The following RBFOX3 variants were observed in gnomAD, a reference collection of about 807,000 sequenced individuals.
RBFOX3 encodes RNA binding fox-1 homolog 3, also known as RNA binding protein fox-1 homolog 3.
A neutral mutation model predicts 48.7 loss-of-function variants in RBFOX3; 17 were observed. The ratio of observed to expected loss-of-function variants is 0.35; its 90% CI spans 0.24 to 0.52. The LOEUF is 0.52. RBFOX3 is among the 20% of genes least tolerant of loss of function. The pLI, the probability that RBFOX3 is intolerant of heterozygous loss-of-function variation, is 0.94. For synonymous variants in RBFOX3, 212 were observed against 209.5 expected, an observed-to-expected ratio of 1.01 and a Z score of -0.10; for missense variants, 382 against 497.5, an observed-to-expected ratio of 0.77 and a Z score of 2.21.
intron 1 of RBFOX3, among the ~76,000 whole-genome samples, chr17:79,516,955 G>A (rs2085328350): frequency 6.6e-6 from 1 of 152,110 alleles, no homozygotes. Context: ...GGTAGAATGG[G>A]GGTTGCTGGG....
At chr17:79,569,794 G>T (rs2092598922) in intron 1 of RBFOX3, among the ~76,000 whole-genome samples, 2 of 152,240 alleles carry the variant, frequency 1.3e-5, no homozygotes, top group South Asian at 4.1e-4. Flanking sequence ...ATAACAGATG[G>T]ATGGTGTATG....
intron 3 of RBFOX3, among the ~76,000 whole-genome samples, chr17:79,269,435 G>A (rs1351490171): frequency 6.6e-6 from 1 of 152,102 alleles, no homozygotes; most frequent in Non-Finnish European, 1.5e-5. Context: ...AGGACTCCTC[G>A]CAGGCAGCAG....
At chr17:79,230,987 G>A (rs928198636) in intron 4 of RBFOX3, among the ~76,000 whole-genome samples, 11 of 152,020 alleles carry the variant, frequency 7.2e-5, no homozygotes, top group African/African-American at 2.4e-4. Flanking sequence ...GACACTGGAC[G>A]AGATACAGTG....
chr17:79,154,940 A>G (rs769898145), intron 4 of RBFOX3, among the ~76,000 whole-genome samples: 2 of 151,438 alleles, frequency 1.3e-5, no homozygotes, highest in Non-Finnish European at 2.9e-5. Flanking sequence ...TGCGCCTCCC[A>G]GGACACCTCA....
At chr17:79,458,657 T>C (rs2074945862) in intron 2 of RBFOX3, among the ~76,000 whole-genome samples, 1 of 151,370 alleles carries the variant, frequency 6.6e-6, no homozygotes, top group Admixed American at 6.6e-5. Flanking sequence ...TCTTCTGCAG[T>C]GCTAGGGCAG....
chr17:79,362,681 TTACTGGCACCTCA>T lies in RBFOX3; in HGVS notation c.-174-54870_-174-54858del, dbSNP rs142594173. On this transcript the variant is annotated intron_variant, in intron 2 of 14. Coordinates refer to ENST00000693108, the MANE Select transcript of RBFOX3 (RefSeq NM_001350451.2). The surrounding 1 kb of genome is among the most constrained non-coding windows in gnomAD (Gnocchi z 4.2). ...CAATTGCTTCCTGTGACGGAGCCAG[TTACTGGCACCTCA>T]TCTCCACTGGCTCTGAGCTGCACAG... 0.13 allele frequency among the ~76,000 whole-genome samples: 19,453 copies of T among 152,202 alleles called. 1,746 individuals carry two copies. The highest frequency in any genetic ancestry group is 0.2 in the Non-Finnish European group (13,306 of 67,972).
chr17:79,208,031 T>C (rs2057763039), intron 4 of RBFOX3, among the ~76,000 whole-genome samples: 1 of 152,110 alleles, frequency 6.6e-6, no homozygotes, highest in African/African-American at 2.4e-5. Flanking sequence ...TCTGGCCAGC[T>C]CTTGGTGTCT....
chr17:79,162,600 A>G (rs914252403), intron 4 of RBFOX3, among the ~76,000 whole-genome samples: 1 of 152,256 alleles, frequency 6.6e-6, no homozygotes, highest in Non-Finnish European at 1.5e-5. Context: ...CGGGGCTATA[A>G]TAAAATGGAA....
chr17:79,504,604 C>G (rs1357402335), intron 1 of RBFOX3, among the ~76,000 whole-genome samples: 1 of 152,202 alleles, frequency 6.6e-6, no homozygotes, highest in Non-Finnish European at 1.5e-5. Context: ...CTGCATCGCT[C>G]CAGTCTCTGC....
intron 3 of RBFOX3, among the ~76,000 whole-genome samples, chr17:79,237,078 T>C (rs1482639113): frequency 6.6e-6 from 1 of 152,216 alleles, no homozygotes; most frequent in Non-Finnish European, 1.5e-5. Flanking sequence ...CTGAACCTTT[T>C]CGTTGCTCCA....
intron 14 of RBFOX3, 65 bp downstream of exon 14, chr17:79,094,386 G>T: frequency 1.6e-6 from 2 of 1,231,200 alleles, no homozygotes; most frequent in Non-Finnish European, 2.2e-6. Context: ...TCCCCCAAGG[G>T]CCTCACCACC....
At chr17:79,409,273 G>A (rs117745371) in intron 2 of RBFOX3, among the ~76,000 whole-genome samples, 337 of 152,268 alleles carry the variant, frequency 2.2e-3, no homozygotes, top group Non-Finnish European at 3.8e-3. Context: ...GCTTGTTTCC[G>A]CCTTTGGGCT....
At chr17:79,374,451 T>G (rs1208591380) in intron 2 of RBFOX3, among the ~76,000 whole-genome samples, 1 of 152,098 alleles carries the variant, frequency 6.6e-6, no homozygotes, top group Non-Finnish European at 1.5e-5. Flanking sequence ...TGCTAATAGA[T>G]GAGAATTAAG....
At chr17:79,620,337 AGACATGCACACACACG>A in the RBFOX3 span, among the ~76,000 whole-genome samples, 10 of 148,116 alleles carry the variant, frequency 6.8e-5, no homozygotes, top group South Asian at 2.1e-4. Context: ...GCACGCACAC[AGACATGCACACACACG>A]GACATGGACA....
intron 4 of RBFOX3, among the ~76,000 whole-genome samples, chr17:79,139,629 T>G (rs1412073367): frequency 1.3e-5 from 2 of 152,222 alleles, no homozygotes; most frequent in African/African-American, 4.8e-5. Context: ...CAGACTCTCC[T>G]GTGGGTGGGC....
At chr17:79,137,958 T>C (rs1412739927) in intron 4 of RBFOX3, among the ~76,000 whole-genome samples, 3 of 151,732 alleles carry the variant, frequency 2.0e-5, no homozygotes, top group African/African-American at 7.2e-5. Context: ...TTTAAACATC[T>C]TCTTCTCTAG....
chr17:79,411,494 T>C (rs1026442032), intron 2 of RBFOX3, among the ~76,000 whole-genome samples: 1 of 152,120 alleles, frequency 6.6e-6, no homozygotes, highest in African/African-American at 2.4e-5. Flanking sequence ...TCCACCCTTC[T>C]CCCACCTCCC....
At chr17:79,165,894 C>T (rs1333661773) in intron 4 of RBFOX3, among the ~76,000 whole-genome samples, 1 of 152,248 alleles carries the variant, frequency 6.6e-6, no homozygotes, top group Non-Finnish European at 1.5e-5. Context: ...ATTCTGCCTG[C>T]AGCAGGGCTG....
chr17:79,413,600 G>A (rs2064834414), intron 2 of RBFOX3, among the ~76,000 whole-genome samples: 1 of 152,256 alleles, frequency 6.6e-6, no homozygotes, highest in Non-Finnish European at 1.5e-5. Flanking sequence ...AGACTCTGAA[G>A]CCAGTGGGAA....
Sources: allele counts gnomAD v4.1 joint callset (sites outside exome capture counted in the v4.1 genomes callset), GRCh38; gene constraint gnomAD v4.1.1; non-coding constraint Gnocchi (gnomAD v3.1); transcripts MANE v1.5; gene names NCBI Gene and HGNC (gene_info 2026-07-23, HGNC 2026-07-21).